Variants in FAM241B observed in about 807,000 individuals in gnomAD.
FAM241B encodes protein FAM241B.
FAM241B carries 7 observed loss-of-function variants against 9.3 expected under a neutral mutation model. The ratio of observed to expected loss-of-function variants is 0.75; its 90% CI spans 0.43 to 1.41. The LOEUF (loss-of-function observed/expected upper bound fraction) is 1.41, where lower values mean the gene tolerates loss of function less well. Ranked by LOEUF, FAM241B falls within the 40% of genes most tolerant of loss-of-function variation. The probability of loss-of-function intolerance (pLI) is 0.01; values close to 1 mark genes in which losing one functional copy is unlikely to be tolerated. For synonymous variants in FAM241B, 60 were observed against 64.1 expected (o/e 0.94, Z 0.31); for missense variants, 136 against 159.6 (o/e 0.85, Z 0.80).
intron 1 of FAM241B, among the ~76,000 whole-genome samples, chr10:69,631,149 CTCG>C (rs1288055268): frequency 2.6e-5 from 4 of 152,214 alleles, no homozygotes; most frequent in Admixed American, 1.3e-4. Context: ...AGCTTCTGGC[CTCG>C]TGTTCCTTCT....
chr10:69,630,655 GGAAT>G (rs1279722222), intron 1 of FAM241B: 1 of 1,299,194 alleles, frequency 7.7e-7, no homozygotes, highest in Admixed American at 2.3e-5. Flanking sequence ...AGTGCTATCT[GGAAT>G]GTAGGTGGAC....
chr10:69,632,187 G>A (rs960820419), intron 3 of FAM241B, among the ~76,000 whole-genome samples: 2 of 152,132 alleles, frequency 1.3e-5, no homozygotes, highest in East Asian at 1.9e-4. Flanking sequence ...GTGGCTGGGC[G>A]CGGTGGCTCA....
chr10:69,630,752 G>T, intron 1 of FAM241B: 1 of 1,048,028 alleles, frequency 9.5e-7, no homozygotes, highest in South Asian at 1.6e-5. Context: ...CCAGGGGTCC[G>T]CGGAGTGGAG....
chr10:69,633,003 C>T lies in FAM241B; in HGVS notation c.310C>T (p.Arg104Cys), dbSNP rs1325127477. 4.3e-6 allele frequency: 7 copies of T among 1,614,148 alleles called. No homozygotes were observed. The highest frequency in any genetic ancestry group is 2.2e-5 in the South Asian group (2 of 91,078). Reference protein sequence around the residue: ...LLFLLMMLGVRGLLLVGLVYL... With the variant: ...LLFLLMMLGVCGLLLVGLVYL... Reference sequence around the variant, plus strand: ...CTTCCTGCTCATGATGCTTGGTGTTCGTGGCCTCCTCCTGGTTGGCCTTGT... The same window carrying T: ...CTTCCTGCTCATGATGCTTGGTGTTTGTGGCCTCCTCCTGGTTGGCCTTGT... Residue 104 changes from arginine to cysteine, a missense_variant, in exon 4 of 4, where the codon CGT becomes TGT. Physicochemically the swap from Arg to Cys is radical, Grantham distance 180. Coordinates refer to ENST00000373279, the MANE Select transcript of FAM241B (RefSeq NM_145306.3).
intron 1 of FAM241B, chr10:69,630,573 C>G: frequency 6.8e-6 from 8 of 1,184,222 alleles, no homozygotes; most frequent in Non-Finnish European, 8.8e-6. Flanking sequence ...AGGAGGGGGA[C>G]GCGCCTGTCC....
In FAM241B at chr10:69,631,692, C is replaced by T; in HGVS notation, c.-35-17C>T. On this transcript the variant is annotated splice_polypyrimidine_tract_variant and intron_variant, in intron 2 of 3. Coordinates refer to ENST00000373279, the MANE Select transcript of FAM241B (RefSeq NM_145306.3). ...CTTGGCTTCCATTAGCCTGCCCACC[C>T]TGACCACACAATGCAGGTGCAGCCC... is the stretch of plus-strand genomic sequence containing the variant. 1 of 1,592,960 alleles carries T rather than the reference C, an allele frequency of 6.3e-7. No individual in the cohort carries two copies. Among genetic ancestry groups the T allele is most frequent in the Non-Finnish European group, 8.5e-7 (1 of 1,170,482 alleles).
At chr10:69,631,963 C>CAGGGTAAGACT in intron 3 of FAM241B, 124 bp downstream of exon 3, 1 of 1,352,460 alleles carries the variant, frequency 7.4e-7, no homozygotes, top group Non-Finnish European at 1.0e-6. Context: ...TTGCAGAGAG[C>CAGGGTAAGACT]TGGGGAAGAT....
At position 69,631,712 on chromosome 10, in the gene FAM241B, C is replaced by T; in HGVS notation, c.-32C>T. On this transcript the variant is annotated 5_prime_UTR_variant, in exon 3 of 4. Coordinates refer to ENST00000373279, the MANE Select transcript of FAM241B (RefSeq NM_145306.3). The stretch of plus-strand genomic sequence containing the variant: ...CCACCCTGACCACACAATGCAGGTG[C>T]AGCCCATCAGGGACCCACAGCGCCT... The T allele has an allele frequency of 6.2e-7, 1 of 1,605,710 alleles. No individual in the cohort carries two copies. Among genetic ancestry groups the T allele is most frequent in the Non-Finnish European group, 8.5e-7 (1 of 1,176,732 alleles).
chr10:69,632,900 G>A lies in FAM241B; in HGVS notation c.207G>A (p.Arg69=). ...AAQSPFNDLN[R]QLVNMGFPQW... ...AGTCCCCCTTCAATGACCTCAACCG[G>A]CAGCTGGTGAACATGGGCTTTCCGC... Residue 69 remains arginine, a synonymous_variant, in exon 4 of 4, where the codon CGG becomes CGA. Coordinates refer to ENST00000373279, the MANE Select transcript of FAM241B (RefSeq NM_145306.3). 4 of 1,614,228 alleles carry A rather than the reference G, an allele frequency of 2.5e-6. No individual in the cohort carries two copies. Among genetic ancestry groups the A allele is most frequent in the African/African-American group, 1.3e-5 (1 of 75,056 alleles).
chr10:69,631,598 G>C, intron 2 of FAM241B, 51 bp downstream of exon 2: 1 of 1,547,898 alleles, frequency 6.5e-7, no homozygotes, highest in Non-Finnish European at 8.7e-7. Flanking sequence ...ATCCTCCACA[G>C]ATCTTCACGA....
At chr10:69,631,094 G>A (rs1471865251) in intron 1 of FAM241B, among the ~76,000 whole-genome samples, 1 of 152,206 alleles carries the variant, frequency 6.6e-6, no homozygotes, top group Non-Finnish European at 1.5e-5. Flanking sequence ...GGATGCTGGT[G>A]CCCTGGACTC....
At position 69,631,192 on chromosome 10, in the gene FAM241B, G is replaced by T. The variant is rs1415880716; in HGVS notation, c.-103-288G>T. On this transcript the variant is annotated intron_variant, in intron 1 of 3. Transcript: ENST00000373279. ...TGTCCGTAGGTGTGATCCCGGGCAG[G>T]CCACTTAAGTCTCCCTGTGCCTCCG... 2.0e-5 allele frequency among the ~76,000 whole-genome samples: 3 copies of T among 152,198 alleles called. No homozygotes were observed. In the East Asian group the frequency reaches 5.8e-4, roughly 29 times the overall value.
chr10:69,632,985 C>T lies in FAM241B; in HGVS notation c.292C>T (p.Leu98Phe), dbSNP rs1360668444. The change falls in exon 4 of 4, where the codon CTC becomes TTC. Residue 98 changes from leucine to phenylalanine, a missense_variant. By Grantham distance (22) the Leu-to-Phe change is conservative. Coordinates refer to ENST00000373279, the MANE Select transcript of FAM241B (RefSeq NM_145306.3). ...GACCTCCATCCTGCTCCTCTTCCTGCTCATGATGCTTGGTGTTCGTGGCCT... is the reference window on the plus strand; with the variant it reads ...GACCTCCATCCTGCTCCTCTTCCTGTTCATGATGCTTGGTGTTCGTGGCCT... ...PVTSILLLFLLMMLGVRGLLL... is the reference protein window; with the variant it reads ...PVTSILLLFLFMMLGVRGLLL... The T allele has an allele frequency of 6.2e-7, 1 of 1,614,208 alleles. No homozygotes were observed. The highest frequency in any genetic ancestry group is 8.5e-7 in the Non-Finnish European group (1 of 1,180,036).
chr10:69,631,510 T>C lies in FAM241B; in HGVS notation c.-73T>C. 1 of 1,537,762 alleles carries C rather than the reference T, an allele frequency of 6.5e-7. No homozygotes were observed. The highest frequency in any genetic ancestry group is 8.8e-7 in the Non-Finnish European group (1 of 1,138,892). The stretch of plus-strand genomic sequence containing the variant: ...GCATCTACTCAGCGTGGGTCACCTC[T>C]GTGAACATCACTGACTGCAAGCCTC... On this transcript the variant is annotated 5_prime_UTR_variant, in exon 2 of 4. Coordinates refer to ENST00000373279, the MANE Select transcript of FAM241B (RefSeq NM_145306.3).
chr10:69,630,611 A>C (rs1421689962), intron 1 of FAM241B: 1 of 1,292,744 alleles, frequency 7.7e-7, no homozygotes, highest in South Asian at 1.3e-5. Flanking sequence ...GCAAGACCAC[A>C]GGGCTCCTGA....
Position 69,631,848 on chromosome 10 carries a change from T to A in FAM241B, c.96+9T>A, listed in dbSNP as rs1421700916. ...GTAGCATTCCTCGACAGGTAGGTAC[T>A]CATTTCCTGTGGAGTGGGACAGATG... On this transcript the variant is annotated intron_variant, in intron 3 of 3. Transcript: ENST00000373279. 1.9e-6 allele frequency: 3 copies of A among 1,603,572 alleles called. No homozygotes were observed. The highest frequency in any genetic ancestry group is 3.4e-5 in the Admixed American group (2 of 58,176).
At chr10:69,631,967 G>GTAAGACTTGGA (rs2133257146) in intron 3 of FAM241B, 128 bp downstream of exon 3, 3 of 1,270,058 alleles carry the variant, frequency 2.4e-6, no homozygotes, top group Non-Finnish European at 3.2e-6. Context: ...AGAGAGCTGG[G>GTAAGACTTGGA]GAAGATGCAG....
intron 3 of FAM241B, among the ~76,000 whole-genome samples, 168 bp from the exon 4 acceptor site, chr10:69,632,622 T>C (rs1043439496): frequency 2.0e-5 from 3 of 152,132 alleles, no homozygotes; most frequent in African/African-American, 7.2e-5. Context: ...TCTGAGAGCT[T>C]GTGACTTGGT....
chr10:69,632,697 G>A (rs1229363386), intron 3 of FAM241B, 93 bp from the exon 4 acceptor site: 15 of 1,434,440 alleles, frequency 1.0e-5, no homozygotes, highest in African/African-American at 1.4e-5. Context: ...CTGGGTGGCT[G>A]TAGGAAGGGC....
Sources: allele counts gnomAD v4.1 joint callset (sites outside exome capture counted in the v4.1 genomes callset), GRCh38; gene constraint gnomAD v4.1.1; transcripts MANE v1.5; gene names NCBI Gene and HGNC (gene_info 2026-07-23, HGNC 2026-07-21).